INTS15: variants seen among roughly 807,000 people sequenced by gnomAD.
INTS15 encodes integrator complex subunit 15, also known as uncharacterized protein C7orf26.
the INTS15 span, chr7:6,602,645 A>G: frequency 1.3e-5 from 6 of 470,470 alleles, no homozygotes; most frequent in Non-Finnish European, 2.2e-5. Context: ...TGGGGGTGAT[A>G]CTGTTCCCTG....
the INTS15 span, chr7:6,599,818 T>C: frequency 8.1e-6 from 13 of 1,610,020 alleles, no homozygotes; most frequent in South Asian, 1.3e-4. Context: ...CCTAATGGTC[T>C]TTGTTTGCAG....
the INTS15 span, chr7:6,607,776 C>T: frequency 1.3e-6 from 2 of 1,483,316 alleles, no homozygotes; most frequent in Non-Finnish European, 1.8e-6. This position sits in a 1 kb window ranked among gnomAD's most constrained non-coding sequence, Gnocchi z 6.0. Flanking sequence ...TCCCACGCAT[C>T]CTCGCCTGTG....
chr7:6,590,124 C>G, the INTS15 span: 2 of 514,160 alleles, frequency 3.9e-6, no homozygotes, highest in South Asian at 8.2e-5. Flanking sequence ...AGCGATGGCC[C>G]CCTGAGCAGG....
the INTS15 span, chr7:6,607,755 G>A: frequency 6.7e-7 from 1 of 1,491,310 alleles, no homozygotes; most frequent in African/African-American, 1.4e-5. The surrounding 1 kb of genome is among the most constrained non-coding windows in gnomAD (Gnocchi z 6.0). Context: ...CAGGCCCCGT[G>A]CAGAGCCCAC....
At chr7:6,598,597 A>G in the INTS15 span, among the ~76,000 whole-genome samples, 1 of 152,102 alleles carries the variant, frequency 6.6e-6, no homozygotes, top group African/African-American at 2.4e-5. Context: ...TGGTGGGCAC[A>G]GCCCCAGAGA....
chr7:6,590,817 CTTTTTCTTTTT>C, the INTS15 span, among the ~76,000 whole-genome samples: 4 of 151,880 alleles, frequency 2.6e-5, no homozygotes, highest in East Asian at 7.7e-4. Context: ...CTTCTTACAT[CTTTTTCTTTTT>C]TTTTTCTTTC....
the INTS15 span, chr7:6,602,316 A>G: frequency 3.5e-6 from 2 of 566,672 alleles, no homozygotes; most frequent in Non-Finnish European, 6.2e-6. Context: ...GTAAACCTGA[A>G]AAATGGTCAT....
At chr7:6,604,099 ACAGT>A in the INTS15 span, among the ~76,000 whole-genome samples, 1 of 152,140 alleles carries the variant, frequency 6.6e-6, no homozygotes, top group Non-Finnish European at 1.5e-5. Flanking sequence ...TCTTTTTGAG[ACAGT>A]CTTGCTTTGT....
the INTS15 span, chr7:6,591,673 C>A: frequency 1.2e-6 from 2 of 1,614,202 alleles, no homozygotes; most frequent in Non-Finnish European, 1.7e-6. Context: ...GGAGCTTCAA[C>A]TTCTTGAAAT....
the INTS15 span, chr7:6,591,904 G>T: frequency 6.3e-7 from 1 of 1,585,478 alleles, no homozygotes; most frequent in Non-Finnish European, 8.6e-7. Flanking sequence ...GGGTGCGGTG[G>T]CTCATGCCTG....
the INTS15 span, chr7:6,602,792 C>T: frequency 1.1e-5 from 5 of 469,134 alleles, no homozygotes; most frequent in East Asian, 7.0e-5. Context: ...GGAGAGAATC[C>T]GGGCCTTGCC....
the INTS15 span, chr7:6,602,798 T>A: frequency 4.3e-6 from 2 of 468,824 alleles, no homozygotes; most frequent in African/African-American, 2.0e-5. Context: ...AATCCGGGCC[T>A]TGCCACTTCC....
At chr7:6,604,052 C>T in the INTS15 span, among the ~76,000 whole-genome samples, 3 of 152,070 alleles carry the variant, frequency 2.0e-5, no homozygotes, top group African/African-American at 7.2e-5. Flanking sequence ...AGTACTTGGC[C>T]TGTAGTGAAT....
the INTS15 span, among the ~76,000 whole-genome samples, chr7:6,605,725 G>C: frequency 6.6e-6 from 1 of 152,102 alleles, no homozygotes; most frequent in Admixed American, 6.6e-5. Context: ...TTGAGACAGA[G>C]TCTCGCTCTG....
the INTS15 span, chr7:6,600,128 G>A: frequency 2.4e-5 from 39 of 1,614,048 alleles, no homozygotes; most frequent in Admixed American, 3.8e-4. Flanking sequence ...CCACCTCAGC[G>A]TCCTGCAAGT....
the INTS15 span, chr7:6,594,444 G>C: frequency 1.9e-6 from 3 of 1,613,908 alleles, no homozygotes; most frequent in Non-Finnish European, 2.5e-6. Flanking sequence ...GCGGACGCCC[G>C]TGGTTTACTG....
At chr7:6,592,262 G>GTT in the INTS15 span, among the ~76,000 whole-genome samples, 1 of 151,850 alleles carries the variant, frequency 6.6e-6, no homozygotes, top group African/African-American at 2.4e-5. Flanking sequence ...TTTTTTGTTT[G>GTT]TTTGTTTAAA....
the INTS15 span, among the ~76,000 whole-genome samples, chr7:6,607,249 A>C: frequency 6.6e-6 from 1 of 152,040 alleles, no homozygotes; most frequent in East Asian, 1.9e-4. The surrounding 1 kb of genome is among the most constrained non-coding windows in gnomAD (Gnocchi z 6.0). Context: ...GGATTCCAGG[A>C]AGTGCGGGCC....
At chr7:6,602,172 G>A in the INTS15 span, 6 of 1,599,668 alleles carry the variant, frequency 3.8e-6, no homozygotes, top group Admixed American at 5.3e-5. Context: ...AGCTGGGCCA[G>A]CTTGCTGGAG....
Sources: gnomAD v4.1 joint callset for allele counts (sites outside exome capture counted in the v4.1 genomes callset) on GRCh38, gnomAD v4.1.1 for gene constraint, Gnocchi (gnomAD v3.1) non-coding constraint, MANE v1.5 for transcripts, NCBI Gene and HGNC (gene_info 2026-07-23, HGNC 2026-07-21) for gene names.